ORC3: variants seen among roughly 807,000 people sequenced by gnomAD.
The protein encoded by ORC3 is origin recognition complex subunit 3, also known as homolog of latheo, Drosophila.
A neutral mutation model predicts 100.7 loss-of-function variants in ORC3; 78 were observed. That is an observed-to-expected ratio of 0.77 (90% CI 0.65 to 0.94). The LOEUF is 0.94. ORC3 is among the 40% of genes least tolerant of loss of function. The pLI is 0.00. For missense variants in ORC3, 789 were observed against 823.9 expected (o/e 0.96, Z 0.52); for synonymous variants, 295 against 289.3 (o/e 1.02, Z -0.20).
At chr6:87,590,933 G>A (rs1229878349) in intron 1 of ORC3, among the ~76,000 whole-genome samples, 1 of 152,182 alleles carries the variant, frequency 6.6e-6, no homozygotes, top group Non-Finnish European at 1.5e-5. Context: ...TCCTCATGTT[G>A]GCTACCTAGA....
intron 6 of ORC3, among the ~76,000 whole-genome samples, 168 bp from the exon 7 acceptor site, chr6:87,608,928 G>A (rs562459941): frequency 6.6e-6 from 1 of 151,988 alleles, no homozygotes; most frequent in African/African-American, 2.4e-5. Flanking sequence ...TCCCATGTCA[G>A]ACACAGCAAG....
At chr6:87,597,676 TATATAC>T (rs1378272815) in intron 2 of ORC3, among the ~76,000 whole-genome samples, 24 of 130,226 alleles carry the variant, frequency 1.8e-4, no homozygotes, top group African/African-American at 3.4e-4. Flanking sequence ...ATGATATATA[TATATAC>T]ACACACACAC....
chr6:87,618,536 T>C (rs1003207025), intron 9 of ORC3, among the ~76,000 whole-genome samples: 14 of 152,234 alleles, frequency 9.2e-5, no homozygotes, highest in African/African-American at 3.1e-4. Flanking sequence ...TGGGGTTCCA[T>C]AGGAAAACAG....
At chr6:87,639,825 CAAAAAAAA>C (rs548788316) in intron 13 of ORC3, among the ~76,000 whole-genome samples, 13 of 58,754 alleles carry the variant, frequency 2.2e-4, no homozygotes, top group African/African-American at 4.0e-4. Flanking sequence ...GCCAAAAATA[CAAAAAAAA>C]AAAAAAAAAA....
At chr6:87,644,250 G>A (rs1768555738) in intron 13 of ORC3, among the ~76,000 whole-genome samples, 2 of 149,912 alleles carry the variant, frequency 1.3e-5, no homozygotes, top group South Asian at 2.1e-4. Context: ...CCGCCACTAC[G>A]CCCGGCTAAT....
chr6:87,612,865 C>T (rs1235933858), intron 8 of ORC3, among the ~76,000 whole-genome samples: 2 of 152,214 alleles, frequency 1.3e-5, no homozygotes, highest in Admixed American at 6.5e-5. Context: ...GCCTTGGCCT[C>T]CCAAAGTGCT....
intron 2 of ORC3, among the ~76,000 whole-genome samples, chr6:87,596,300 A>G (rs1216830598): frequency 6.6e-6 from 1 of 151,288 alleles, no homozygotes; most frequent in African/African-American, 2.4e-5. Context: ...TGCCTGGCTA[A>G]TTTTTGTATT....
chr6:87,673,349 C>T, the ORC3 span, among the ~76,000 whole-genome samples: 3 of 151,814 alleles, frequency 2.0e-5, no homozygotes, highest in South Asian at 6.2e-4. Flanking sequence ...TGTTTTGTCC[C>T]TCAGGGACAT....
chr6:87,677,568 A>C, the ORC3 span, among the ~76,000 whole-genome samples: 2 of 152,180 alleles, frequency 1.3e-5, no homozygotes, highest in African/African-American at 4.8e-5. Flanking sequence ...GTAAACTACT[A>C]ACATCAGTTT....
intron 13 of ORC3, among the ~76,000 whole-genome samples, chr6:87,648,711 G>C (rs1769004114): frequency 6.6e-6 from 1 of 152,120 alleles, no homozygotes; most frequent in Non-Finnish European, 1.5e-5. Context: ...ACATATGTGG[G>C]TATAAATGTT....
Position 87,607,726 on chromosome 6 carries a change from G to A in ORC3, c.481G>A (p.Asp161Asn), listed in dbSNP as rs1223997968. The change falls in exon 6 of 20, where the codon GAT becomes AAT. Residue 161 changes from aspartate (D) to asparagine (N), a missense_variant. By Grantham distance (23) the Asp-to-Asn change is conservative (BLOSUM62 1). This residue lies in a region of ORC3 where 399 missense variants were observed against 382.0 expected (regional missense o/e 1.04). Coordinates refer to ENST00000392844, the MANE Select transcript of ORC3 (RefSeq NM_012381.4). ...CTCACAGTTGATGGACTGCTGTGTA[G>A]ATATAAAATCCAAAGAGGAGGAAAG... ...LISQLMDCCV[D>N]IKSKEEESVH... 9 of 1,611,922 alleles carry A rather than the reference G, an allele frequency of 5.6e-6. No individual in the cohort carries two copies. Among genetic ancestry groups the A allele is most frequent in the Non-Finnish European group, 7.6e-6 (9 of 1,178,498 alleles).
rs1389769924 is a variant in ORC3, at chr6:87,625,192, A to T, written c.1185+3179A>T. On this transcript the variant is annotated intron_variant, in intron 11 of 19. Coordinates refer to ENST00000392844, the MANE Select transcript of ORC3 (RefSeq NM_012381.4). ...TGTCTTTGTAGTCGTATGATTTATA[A>T]TCCTTTGGGTATATACCCAGTAATG... is the stretch of plus-strand genomic sequence containing the variant. Among the ~76,000 whole-genome samples the T allele has an allele frequency of 2.6e-5, 4 of 152,202 alleles. No homozygotes were observed. The South Asian group carries it at 8.3e-4, about 32-fold the overall frequency.
chr6:87,645,145 G>A (rs1308188162), intron 13 of ORC3, among the ~76,000 whole-genome samples: 2 of 151,630 alleles, frequency 1.3e-5, no homozygotes, highest in Admixed American at 6.6e-5. Context: ...CTTCATTTTT[G>A]AAACCACTGA....
rs1197896612 is a variant in ORC3 at position 87,601,798 on chromosome 6, A to T, written c.94A>T (p.Lys32Ter). ...ISLPIEDYFNKGKNEPEDSKL... is the reference protein window; with the variant it reads ...ISLPIEDYFN ...TCTGTTTTTAGAGGACTATTTTAAC[A>T]AAGGGAAAAATGAGCCTGAGGACAG... Residue 32 changes from lysine (K) to a stop codon, truncating the protein, a stop_gained, in exon 3 of 20, where the codon AAA becomes TAA. Transcript: ENST00000392844. LOFTEE classifies it high-confidence loss of function. 2 of 1,601,182 alleles carry T rather than the reference A, an allele frequency of 1.2e-6. No homozygotes were observed. Among genetic ancestry groups the T allele is most frequent in the Non-Finnish European group, 1.7e-6 (2 of 1,168,382 alleles).
chr6:87,677,738 A>G, the ORC3 span: 1 of 1,491,598 alleles, frequency 6.7e-7, no homozygotes, highest in Non-Finnish European at 9.1e-7. Context: ...CAGTGTATAG[A>G]AAGTGAAATT....
chr6:87,666,472 ATTG>A (rs1351961935), intron 19 of ORC3, among the ~76,000 whole-genome samples: 1 of 81,788 alleles, frequency 1.2e-5, no homozygotes, highest in African/African-American at 5.4e-5. Flanking sequence ...GAGTTTTGCT[ATTG>A]TTGCCCAAGC....
intron 8 of ORC3, among the ~76,000 whole-genome samples, chr6:87,612,523 A>G (rs1187909300): frequency 3.9e-5 from 6 of 152,236 alleles, no homozygotes; most frequent in Non-Finnish European, 8.8e-5. Flanking sequence ...TCTTTACTCA[A>G]TAGAAAATTA....
At chr6:87,624,278 G>A (rs1779734698) in intron 11 of ORC3, among the ~76,000 whole-genome samples, 1 of 152,116 alleles carries the variant, frequency 6.6e-6, no homozygotes, top group African/African-American at 2.4e-5. Flanking sequence ...GAAGTCAGGA[G>A]TTCAAGACCA....
chr6:87,621,619 C>T (rs75674913), intron 10 of ORC3, 132 bp downstream of exon 10: 1 of 656,652 alleles, frequency 1.5e-6, no homozygotes, highest in Non-Finnish European at 2.3e-6. Flanking sequence ...TGGGATTTCC[C>T]TTGTTGGATT....
Sources: gnomAD v4.1 joint callset for allele counts (sites outside exome capture counted in the v4.1 genomes callset) on GRCh38, gnomAD v4.1.1 for gene constraint, gnomAD v4.1.1 regional missense constraint, MANE v1.5 for transcripts, NCBI Gene and HGNC (gene_info 2026-07-23, HGNC 2026-07-21) for gene names.